ROS1: variants seen among roughly 807,000 people sequenced by gnomAD.
ROS1 encodes ROS proto-oncogene 1, receptor tyrosine kinase, also known as proto-oncogene tyrosine-protein kinase ROS.
In ROS1, 263 loss-of-function variants were observed where a neutral mutation model predicts 273.5. The observed-to-expected ratio is 0.96, with a 90% CI of 0.87 to 1.06. The LOEUF is 1.06. ROS1 is among the 50% of genes least tolerant of loss of function. The pLI, the probability that ROS1 is intolerant of heterozygous loss-of-function variation, is 0.00. For missense variants in ROS1, 2,833 were observed against 2,751.1 expected, an observed-to-expected ratio of 1.03 and a Z score of -0.67; for synonymous variants, 1,008 against 954.1, an observed-to-expected ratio of 1.06 and a Z score of -1.04.
chr6:117,316,301 G>T (rs975747235), intron 39 of ROS1, among the ~76,000 whole-genome samples: 2 of 39,184 alleles, frequency 5.1e-5, no homozygotes, highest in African/African-American at 1.3e-4. Context: ...GATACATGCG[G>T]GGCCTGAGAG....
At position 117,387,079 on chromosome 6, in the gene ROS1, C is replaced by T. The variant is rs114955973; in HGVS notation, c.2000-80G>A. On this transcript the variant is annotated intron_variant, in intron 14 of 43. Transcript: ENST00000368507. ...GGTATCTTATATACTTATATCTATG[C>T]CTTATATCTTATGATTTTCTATATA... 1,650 of 624,184 alleles carry T rather than the reference C, an allele frequency of 2.6e-3. 18 individuals carry two copies. In the African/African-American group the frequency reaches 0.027, roughly 10 times the overall value. 38.7% of individuals were successfully genotyped at this position (624,184 alleles called of 1,614,324 possible).
chr6:117,351,334 C>A (rs185682205), intron 27 of ROS1, among the ~76,000 whole-genome samples: 1 of 152,076 alleles, frequency 6.6e-6, no homozygotes, highest in Non-Finnish European at 1.5e-5. Flanking sequence ...CCGAGCAGGT[C>A]CAGCTGTGAT....
intron 18 of ROS1, among the ~76,000 whole-genome samples, chr6:117,367,688 T>C (rs1299319201): frequency 6.6e-6 from 1 of 152,238 alleles, no homozygotes; most frequent in Non-Finnish European, 1.5e-5. Context: ...CAGCCAATTA[T>C]TAAATGTTTG....
At chr6:117,378,127 A>C (rs1023765694) in intron 18 of ROS1, among the ~76,000 whole-genome samples, 3 of 152,198 alleles carry the variant, frequency 2.0e-5, no homozygotes, top group Admixed American at 2.0e-4. Context: ...TTACTTAAGA[A>C]TATAAACATC....
chr6:117,320,078 G>A (rs2128559360), intron 36 of ROS1, 48 bp from the exon 37 acceptor site: 1 of 1,541,808 alleles, frequency 6.5e-7, no homozygotes, highest in South Asian at 1.1e-5. Context: ...CATATATAGG[G>A]TGTACAAGTT....
At chr6:117,406,103 C>A (rs1403942360) in intron 5 of ROS1, among the ~76,000 whole-genome samples, 2 of 152,056 alleles carry the variant, frequency 1.3e-5, no homozygotes, top group Non-Finnish European at 2.9e-5. Flanking sequence ...TGTGATTGTG[C>A]CCCTGTACTC....
intron 18 of ROS1, among the ~76,000 whole-genome samples, chr6:117,378,314 T>C (rs1781503825): frequency 6.6e-6 from 1 of 152,092 alleles, no homozygotes; most frequent in Non-Finnish European, 1.5e-5. Flanking sequence ...CTTCACACAA[T>C]GGAATACCAC....
chr6:117,408,966 A>C (rs1416192504), intron 5 of ROS1, among the ~76,000 whole-genome samples: 3 of 151,500 alleles, frequency 2.0e-5, no homozygotes, highest in African/African-American at 7.3e-5. Flanking sequence ...TCGCGAGGAC[A>C]AAAAACCAAA....
intron 23 of ROS1, 95 bp from the exon 24 acceptor site, chr6:117,360,106 G>A (rs957714690): frequency 2.0e-6 from 2 of 989,946 alleles, no homozygotes. Flanking sequence ...TGAAGTCCAT[G>A]GGCTCCCTTT....
At chr6:117,359,581 G>C (rs1779609964) in intron 24 of ROS1, among the ~76,000 whole-genome samples, 2 of 152,102 alleles carry the variant, frequency 1.3e-5, no homozygotes, top group African/African-American at 2.4e-5. Flanking sequence ...AATATCCCAG[G>C]CTCTAACACA....
chr6:117,408,270 A>G (rs1774587686), intron 5 of ROS1, among the ~76,000 whole-genome samples: 1 of 151,994 alleles, frequency 6.6e-6, no homozygotes, highest in Non-Finnish European at 1.5e-5. Flanking sequence ...ATCAGACTGA[A>G]CAGGCAACCT....
At chr6:117,420,916 A>G (rs533244701) in intron 1 of ROS1, among the ~76,000 whole-genome samples, 1 of 142,136 alleles carries the variant, frequency 7.0e-6, no homozygotes, top group South Asian at 2.2e-4. Flanking sequence ...AATTTGATGC[A>G]TAAATTAGAG....
At chr6:117,374,991 C>T (rs1042648931) in intron 18 of ROS1, among the ~76,000 whole-genome samples, 1 of 152,184 alleles carries the variant, frequency 6.6e-6, no homozygotes, top group Non-Finnish European at 1.5e-5. Context: ...AAAAAAGATA[C>T]ATGCACATGC....
intron 27 of ROS1, among the ~76,000 whole-genome samples, chr6:117,350,258 G>A (rs1252364249): frequency 6.6e-6 from 1 of 151,880 alleles, no homozygotes; most frequent in Non-Finnish European, 1.5e-5. Context: ...CACAGGGTAT[G>A]GAATTCTAGG....
chr6:117,409,761 C>A (rs1377756044), intron 4 of ROS1, 119 bp from the exon 5 acceptor site: 19 of 740,882 alleles, frequency 2.6e-5, no homozygotes, highest in Non-Finnish European at 4.6e-5. Flanking sequence ...GACCAATATA[C>A]GAGTAAATCT....
At position 117,425,831 on chromosome 6, in the gene ROS1, A is replaced by G. The variant is rs1582923655; in HGVS notation, c.-175T>C. On this transcript the variant is annotated 5_prime_UTR_variant, in exon 1 of 44. It removes the in-frame stop codon of an upstream open reading frame in the 5' UTR. Coordinates refer to ENST00000368507, the MANE Select transcript of ROS1 (RefSeq NM_001378902.1). ...AAATAATACTTAGCCTTTTTCATTT[A>G]GACCTTTGAATGCTTGAAAGCTTGT... is the stretch of plus-strand genomic sequence containing the variant. 1.3e-5 allele frequency: 8 copies of G among 602,330 alleles called. No individual in the cohort carries two copies. The East Asian group carries it at 2.6e-4, about 20-fold the overall frequency. The allele number at this position is 602,330 out of a possible 1,614,324, so 37.3% of individuals were successfully genotyped here. A position where few individuals can be genotyped will look rare whatever the true frequency, so the allele number is the denominator to read the frequency against.
Position 117,321,261 on chromosome 6 carries a change from T to C in ROS1, c.5757A>G (p.Ile1919Met), listed in dbSNP as rs2128563180. Residue 1919 changes from isoleucine to methionine, a missense_variant and splice_region_variant, in exon 36 of 44, where the codon ATA (isoleucine) becomes ATG (methionine). Transcript: ENST00000368507. ...TAATGATGGCCAAAGCTACATACTG[T>C]ATTGCATAGCAGGCATTAGCCAGGC... Reference protein sequence around the residue: ...GVGLANACYAIHTLPTQEEIE... With the variant: ...GVGLANACYAMHTLPTQEEIE... 1 of 1,613,588 alleles carries C rather than the reference T, an allele frequency of 6.2e-7. No individual in the cohort carries two copies. The highest frequency in any genetic ancestry group is 8.5e-7 in the Non-Finnish European group (1 of 1,179,806).
chr6:117,425,390 GA>G, intron 1 of ROS1, 143 bp downstream of exon 1: 1 of 721,210 alleles, frequency 1.4e-6, no homozygotes, highest in Non-Finnish European at 2.1e-6. Flanking sequence ...ACTTATTTAA[GA>G]AAAAATAATC....
chr6:117,403,056 T>A, intron 7 of ROS1, 83 bp downstream of exon 7: 1 of 1,481,038 alleles, frequency 6.8e-7, no homozygotes, highest in Non-Finnish European at 9.4e-7. Context: ...AGGAATAGAT[T>A]TATTTCATTG....
Sources: allele counts gnomAD v4.1 joint callset (sites outside exome capture counted in the v4.1 genomes callset), GRCh38; gene constraint gnomAD v4.1.1; transcripts MANE v1.5; gene names NCBI Gene and HGNC (gene_info 2026-07-23, HGNC 2026-07-21).